METTL24: variants seen among roughly 807,000 people sequenced by gnomAD.
The protein encoded by METTL24 is probable methyltransferase-like protein 24.
METTL24 carries 29 observed loss-of-function variants against 32.7 expected under a neutral mutation model. That is an observed-to-expected ratio of 0.89 (90% confidence interval 0.66 to 1.21). The LOEUF is 1.21. Ranked by LOEUF, METTL24 falls within the 50% of genes most tolerant of loss-of-function variation. The pLI is 0.00. For missense variants in METTL24, 439 were observed against 468.1 expected (o/e 0.94, Z 0.57); for synonymous variants, 163 against 179.5 (o/e 0.91, Z 0.73).
intron 4 of METTL24, among the ~76,000 whole-genome samples, chr6:110,260,760 G>C (rs1770702734): frequency 1.3e-5 from 2 of 152,270 alleles, no homozygotes; most frequent in South Asian, 2.1e-4. Flanking sequence ...AGACTAACAG[G>C]TGATCTCTCG....
At chr6:110,295,345 C>T (rs1018642449) in intron 4 of METTL24, among the ~76,000 whole-genome samples, 5 of 152,264 alleles carry the variant, frequency 3.3e-5, no homozygotes, top group East Asian at 3.9e-4. Context: ...GAATCAATGG[C>T]GAGCTCCCAG....
chr6:110,350,646 A>C (rs7752796), intron 1 of METTL24, among the ~76,000 whole-genome samples: 6,530 of 151,758 alleles, frequency 0.043, 470 homozygotes, highest in African/African-American at 0.15. Context: ...GAAATGGGGG[A>C]CGGGTGCGGT....
intron 4 of METTL24, among the ~76,000 whole-genome samples, chr6:110,266,833 A>G (rs1423904449): frequency 6.6e-6 from 1 of 152,224 alleles, no homozygotes; most frequent in African/African-American, 2.4e-5. Flanking sequence ...TTTTTCTTGA[A>G]GAAGCAGAGC....
chr6:110,321,773 T>C (rs1417195771), intron 2 of METTL24, among the ~76,000 whole-genome samples: 1 of 152,208 alleles, frequency 6.6e-6, no homozygotes, highest in Non-Finnish European at 1.5e-5. Context: ...CATTATATGA[T>C]AAATGAGACT....
chr6:110,294,949 A>C (rs995802113), intron 4 of METTL24, among the ~76,000 whole-genome samples: 2 of 151,254 alleles, frequency 1.3e-5, no homozygotes, highest in African/African-American at 4.9e-5. Flanking sequence ...ATATTTACCA[A>C]TTTGATAAGT....
intron 4 of METTL24, among the ~76,000 whole-genome samples, chr6:110,294,266 T>C (rs1372825563): frequency 1.3e-5 from 2 of 152,044 alleles, no homozygotes; most frequent in East Asian, 1.9e-4. Context: ...ACATTGGCAT[T>C]TGAAATTTTT....
intron 4 of METTL24, among the ~76,000 whole-genome samples, chr6:110,290,742 G>A (rs1771304063): frequency 6.6e-6 from 1 of 152,106 alleles, no homozygotes; most frequent in Non-Finnish European, 1.5e-5. Flanking sequence ...ATCTAGGAAT[G>A]GGTTTACTGG....
At chr6:110,282,620 C>G (rs1207419023) in intron 4 of METTL24, among the ~76,000 whole-genome samples, 2 of 152,140 alleles carry the variant, frequency 1.3e-5, no homozygotes, top group Admixed American at 1.3e-4. Context: ...CACCACGGCC[C>G]AATGCCTGCT....
chr6:110,301,622 C>T (rs1270972783), intron 3 of METTL24, among the ~76,000 whole-genome samples: 1 of 152,144 alleles, frequency 6.6e-6, no homozygotes, highest in Non-Finnish European at 1.5e-5. Flanking sequence ...GTAAAGAAAG[C>T]CTCACAGCTA....
At chr6:110,246,507 C>T (rs1778164920) in intron 4 of METTL24, among the ~76,000 whole-genome samples, 1 of 152,182 alleles carries the variant, frequency 6.6e-6, no homozygotes, top group Non-Finnish European at 1.5e-5. Flanking sequence ...TGGTATAAAA[C>T]TCCTGGTTCA....
At chr6:110,265,166 AAAGAAAGAAAGAAAGAAAGAAAG>A (rs1473513574) in intron 4 of METTL24, among the ~76,000 whole-genome samples, 1 of 149,820 alleles carries the variant, frequency 6.7e-6, no homozygotes, top group Non-Finnish European at 1.5e-5. Flanking sequence ...AGAAAGAAAG[AAAGAAAGAAAGAAAGAAAGAAAG>A]AAAGAAAGAA....
At chr6:110,271,326 C>T (rs949732671) in intron 4 of METTL24, among the ~76,000 whole-genome samples, 8 of 150,122 alleles carry the variant, frequency 5.3e-5, no homozygotes, top group Admixed American at 5.3e-4. Context: ...GATAGGGTCT[C>T]GCTCTGTCGC....
At position 110,299,138 on chromosome 6, in the gene METTL24, A is replaced by G; in HGVS notation, c.570T>C (p.Asp190=). Residue 190 remains aspartate, a synonymous_variant, in exon 4 of 5, where the codon GAT becomes GAC. Coordinates refer to ENST00000338882, the MANE Select transcript of METTL24 (RefSeq NM_001123364.3). The part of the protein sequence containing the change: ...CRLYSLGLGS[D]DTHFEVSMAN... Reference sequence around the variant, plus strand: ...CCATGCTAACCTCAAAATGGGTATCATCACTTCCTAGCCTATAAAGAAAGA... The same window carrying G: ...CCATGCTAACCTCAAAATGGGTATCGTCACTTCCTAGCCTATAAAGAAAGA... 5 of 1,613,792 alleles carry G rather than the reference A, an allele frequency of 3.1e-6. No homozygotes were observed. The highest frequency in any genetic ancestry group is 1.3e-5 in the African/African-American group (1 of 75,074).
At chr6:110,301,371 C>T (rs1338606357) in intron 3 of METTL24, among the ~76,000 whole-genome samples, 1 of 152,202 alleles carries the variant, frequency 6.6e-6, no homozygotes, top group Non-Finnish European at 1.5e-5. Flanking sequence ...ACCATCCACA[C>T]TACTCCATGC....
intron 2 of METTL24, among the ~76,000 whole-genome samples, chr6:110,318,109 C>A (rs1771858793): frequency 6.6e-6 from 1 of 152,190 alleles, no homozygotes; most frequent in Admixed American, 6.5e-5. Flanking sequence ...TGACAGTTAG[C>A]CAGAGGCCTC....
intron 3 of METTL24, among the ~76,000 whole-genome samples, chr6:110,302,452 T>TAC (rs1430074024): frequency 2.4e-5 from 3 of 122,718 alleles, no homozygotes; most frequent in Admixed American, 7.8e-5. Flanking sequence ...TATATACACA[T>TAC]ATACACACAT....
At chr6:110,256,978 CA>C (rs1002652957) in intron 4 of METTL24, among the ~76,000 whole-genome samples, 1 of 152,200 alleles carries the variant, frequency 6.6e-6, no homozygotes, top group African/African-American at 2.4e-5. Context: ...CAGGGCACCA[CA>C]ACTGCCCTTC....
intron 3 of METTL24, among the ~76,000 whole-genome samples, chr6:110,310,299 G>A (rs1562233634): frequency 6.6e-6 from 1 of 152,188 alleles, no homozygotes. Context: ...ATGTACCTAT[G>A]TATTAGCCCT....
chr6:110,341,271 T>C (rs2114771427), intron 1 of METTL24, among the ~76,000 whole-genome samples: 1 of 152,344 alleles, frequency 6.6e-6, no homozygotes, highest in Admixed American at 6.5e-5. Flanking sequence ...GTTTTACAAA[T>C]AAGAACATTC....
Sources: allele counts gnomAD v4.1 joint callset (sites outside exome capture counted in the v4.1 genomes callset), GRCh38; gene constraint gnomAD v4.1.1; transcripts MANE v1.5; gene names NCBI Gene and HGNC (gene_info 2026-07-23, HGNC 2026-07-21).